Variants in ANKS1B observed in about 807,000 individuals in gnomAD.
The protein encoded by ANKS1B is ankyrin repeat and sterile alpha motif domain-containing protein 1B.
A neutral mutation model predicts 148.3 loss-of-function variants in ANKS1B; 36 were observed. That is an observed-to-expected ratio of 0.24 (90% CI 0.19 to 0.32). ANKS1B has a LOEUF of 0.32. ANKS1B is among the 10% of genes least tolerant of loss of function. The probability of loss-of-function intolerance (pLI) is 1.00; values close to 1 mark genes in which losing one functional copy is unlikely to be tolerated. For missense variants in ANKS1B, 1,157 were observed against 1,542.6 expected (o/e 0.75, Z 4.19); for synonymous variants, 542 against 560.8 (o/e 0.97, Z 0.47).
chr12:99,712,162 C>G (rs752928592), intron 8 of ANKS1B, among the ~76,000 whole-genome samples: 47 of 152,132 alleles, frequency 3.1e-4, no homozygotes, highest in Non-Finnish European at 5.7e-4. Context: ...CATGGACACA[C>G]AGAGGGGAAC....
At chr12:98,792,244 G>C (rs923627454) in intron 22 of ANKS1B, among the ~76,000 whole-genome samples, 1 of 152,080 alleles carries the variant, frequency 6.6e-6, no homozygotes, top group South Asian at 2.1e-4. Flanking sequence ...TCTTATATCA[G>C]GAAGGCAGAT....
At chr12:98,841,972 T>C (rs2099409220) in intron 17 of ANKS1B, among the ~76,000 whole-genome samples, 1 of 152,128 alleles carries the variant, frequency 6.6e-6, no homozygotes, top group Non-Finnish European at 1.5e-5. Context: ...ATCTTGCTGG[T>C]AGGATTGTAA....
chr12:99,711,462 C>T (rs977671622), intron 8 of ANKS1B, among the ~76,000 whole-genome samples: 12 of 151,922 alleles, frequency 7.9e-5, no homozygotes, highest in Admixed American at 3.3e-4. Context: ...CTGATAGGTC[C>T]CAGTGTATGT....
chr12:99,306,318 G>A (rs371047276), intron 12 of ANKS1B, among the ~76,000 whole-genome samples: 1 of 152,044 alleles, frequency 6.6e-6, no homozygotes, highest in Admixed American at 6.6e-5. Context: ...CTCTAGACCC[G>A]ATGCCATCAA....
chr12:99,192,787 T>C (rs2080905897), intron 14 of ANKS1B, among the ~76,000 whole-genome samples: 1 of 152,102 alleles, frequency 6.6e-6, no homozygotes, highest in Non-Finnish European at 1.5e-5. Context: ...GTAAAAAAAT[T>C]CCAAATTATT....
At chr12:99,026,113 C>A (rs1000350840) in intron 17 of ANKS1B, among the ~76,000 whole-genome samples, 3 of 152,106 alleles carry the variant, frequency 2.0e-5, no homozygotes, top group Non-Finnish European at 4.4e-5. Flanking sequence ...TATGTATCTA[C>A]GGATATATTT....
Position 99,758,790 on chromosome 12 carries a change from C to T in ANKS1B, c.1128+14132G>A, listed in dbSNP as rs114916800. On this transcript the variant is annotated intron_variant, in intron 8 of 26. Coordinates refer to ENST00000683438, the MANE Select transcript of ANKS1B (RefSeq NM_001352186.2). ...TTAGTGTAATTCTTTAATGCAAGGA[C>T]TCTTTAATGTAAGTTAGTGAGGATG... Among the ~76,000 whole-genome samples, 616 of 151,866 alleles carry T rather than the reference C, an allele frequency of 4.1e-3. 5 individuals carry two copies. Among genetic ancestry groups the T allele is most frequent in the African/African-American group, 0.014 (590 of 41,480 alleles).
intron 17 of ANKS1B, among the ~76,000 whole-genome samples, chr12:98,931,040 A>G (rs2099813269): frequency 6.6e-6 from 1 of 151,896 alleles, no homozygotes; most frequent in Non-Finnish European, 1.5e-5. Context: ...AGAAAATGAC[A>G]TTTCAGGAAT....
intron 8 of ANKS1B, among the ~76,000 whole-genome samples, chr12:99,715,671 G>A (rs960619788): frequency 3.9e-5 from 6 of 152,054 alleles, no homozygotes; most frequent in South Asian, 2.1e-4. Flanking sequence ...TCTTTGCTCC[G>A]TGAAAAAGAT....
chr12:99,471,669 CAT>C (rs1491311803), intron 10 of ANKS1B, among the ~76,000 whole-genome samples: 2 of 151,740 alleles, frequency 1.3e-5, no homozygotes, highest in African/African-American at 4.8e-5. Context: ...CACACACACA[CAT>C]ACACACGCTC....
rs533970339 is a variant in ANKS1B at position 99,204,324 on chromosome 12, C to T, written c.2419+40018G>A. On this transcript the variant is annotated intron_variant, in intron 14 of 26. Coordinates refer to ENST00000683438, the MANE Select transcript of ANKS1B (RefSeq NM_001352186.2). Reference sequence around the variant, plus strand: ...GTATTCATGCTCTGAAACACAAAACCGTTCTCTTGCTTCTATAAAACAGAA... The same window carrying T: ...GTATTCATGCTCTGAAACACAAAACTGTTCTCTTGCTTCTATAAAACAGAA... 9.2e-5 allele frequency among the ~76,000 whole-genome samples: 14 copies of T among 152,256 alleles called. No individual in the cohort carries two copies. In the South Asian group the frequency reaches 1.5e-3, roughly 16 times the overall value.
chr12:98,847,232 A>C (rs2099484701), intron 17 of ANKS1B, among the ~76,000 whole-genome samples: 1 of 152,078 alleles, frequency 6.6e-6, no homozygotes, highest in African/African-American at 2.4e-5. Context: ...TTTCTCTTGC[A>C]TAAGTAAAAT....
chr12:99,946,636 T>C (rs981719945), intron 1 of ANKS1B, among the ~76,000 whole-genome samples: 1 of 152,226 alleles, frequency 6.6e-6, no homozygotes, highest in African/African-American at 2.4e-5. Flanking sequence ...CATCTATATC[T>C]GAGTGTTTTC....
At chr12:99,196,584 C>T (rs2081404726) in intron 14 of ANKS1B, among the ~76,000 whole-genome samples, 1 of 145,846 alleles carries the variant, frequency 6.9e-6, no homozygotes, top group Non-Finnish European at 1.5e-5. Context: ...TGGATGCTTT[C>T]TGTTTTTTTT....
chr12:99,926,844 G>A (rs1320242153), intron 1 of ANKS1B, among the ~76,000 whole-genome samples: 1 of 152,042 alleles, frequency 6.6e-6, no homozygotes, highest in Non-Finnish European at 1.5e-5. Flanking sequence ...AAAGTATTGT[G>A]TTTACTATCT....
chr12:99,975,451 T>G (rs575252384), intron 1 of ANKS1B, among the ~76,000 whole-genome samples: 1 of 152,304 alleles, frequency 6.6e-6, no homozygotes, highest in South Asian at 2.1e-4. Flanking sequence ...GGTATAAGCA[T>G]TCCCTTTCCT....
chr12:99,590,354 G>A (rs905966876), intron 9 of ANKS1B, among the ~76,000 whole-genome samples: 6 of 151,014 alleles, frequency 4.0e-5, no homozygotes, highest in Admixed American at 6.6e-5. Flanking sequence ...TGGAGTTGCC[G>A]GTCTAATGGG....
chr12:99,787,686 G>A (rs185342043), intron 4 of ANKS1B, among the ~76,000 whole-genome samples: 295 of 152,294 alleles, frequency 1.9e-3, no homozygotes, highest in Admixed American at 3.9e-3. Context: ...CACAGTATCT[G>A]GTTTTAACTT....
In ANKS1B at chr12:99,504,526, G is replaced by T. The variant is rs200597480; in HGVS notation, c.1388C>A (p.Thr463Lys). The T allele has an allele frequency of 2.3e-5, 37 of 1,612,540 alleles. No individual in the cohort carries two copies. Among genetic ancestry groups the T allele is most frequent in the Non-Finnish European group, 3.1e-5 (37 of 1,179,468 alleles). ...FLCDLMDTAV[T>K]KKPCSLEIAR... ...AATTTCTAAGGAGCAAGGTTTCTTT[G>T]TAACAGCTGTGTCCATGAGATCACA... Residue 463 changes from threonine to lysine, a missense_variant, in exon 10 of 27, where the codon ACA becomes AAA. This residue lies in a region of ANKS1B where 661 missense variants were observed against 642.1 expected (regional missense o/e 1.03). Coordinates refer to ENST00000683438, the MANE Select transcript of ANKS1B (RefSeq NM_001352186.2).
Sources: gnomAD v4.1 joint callset for allele counts (sites outside exome capture counted in the v4.1 genomes callset) on GRCh38, gnomAD v4.1.1 for gene constraint, gnomAD v4.1.1 regional missense constraint, MANE v1.5 for transcripts, NCBI Gene and HGNC (gene_info 2026-07-23, HGNC 2026-07-21) for gene names.